Variants in AKAP12 observed in about 807,000 individuals in gnomAD.
The protein encoded by AKAP12 is A-kinase anchoring protein 12.
Under a neutral mutation model 79.9 loss-of-function variants are expected in AKAP12, and 32 were observed. The observed-to-expected ratio is 0.40, with a 90% CI of 0.30 to 0.54. The LOEUF is 0.54. Among genes scored for constraint, AKAP12 ranks in the 20% least tolerant of loss-of-function variants. The pLI is 0.48. For synonymous variants in AKAP12, 808 were observed against 857.0 expected (o/e 0.94, Z 1.00); for missense variants, 2,074 against 2,177.0 (o/e 0.95, Z 0.94).
chr6:151,274,720 C>T (rs1776257960), intron 2 of AKAP12, among the ~76,000 whole-genome samples: 1 of 152,154 alleles, frequency 6.6e-6, no homozygotes, highest in Non-Finnish European at 1.5e-5. Flanking sequence ...GGGGGCATCT[C>T]ACAATTTTAT....
intron 2 of AKAP12, among the ~76,000 whole-genome samples, chr6:151,255,264 C>G (rs1258601953): frequency 6.6e-6 from 1 of 151,866 alleles, no homozygotes; most frequent in Non-Finnish European, 1.5e-5. Flanking sequence ...CTCCCGGGTT[C>G]AAGCAGTTCT....
chr6:151,305,602 A>C (rs1482974778), intron 2 of AKAP12, 145 bp from the exon 3 acceptor site: 7 of 798,028 alleles, frequency 8.8e-6, no homozygotes, highest in Non-Finnish European at 1.1e-5. Context: ...TCAGACAAAT[A>C]TAAGACTTAA....
At chr6:151,284,567 G>A (rs1366671706) in intron 2 of AKAP12, among the ~76,000 whole-genome samples, 1 of 152,170 alleles carries the variant, frequency 6.6e-6, no homozygotes, top group Non-Finnish European at 1.5e-5. Flanking sequence ...GGTCAGAGCT[G>A]CAGTGAGCCA....
intron 3 of AKAP12, among the ~76,000 whole-genome samples, chr6:151,338,977 G>C (rs980673340): frequency 1.3e-5 from 2 of 152,130 alleles, no homozygotes; most frequent in African/African-American, 4.8e-5. Flanking sequence ...GCTTTATCCA[G>C]CTTTCACTTT....
At chr6:151,269,586 G>T (rs1177787290) in intron 2 of AKAP12, among the ~76,000 whole-genome samples, 1 of 152,162 alleles carries the variant, frequency 6.6e-6, no homozygotes, top group African/African-American at 2.4e-5. Context: ...AATAGGAAAT[G>T]AATACTCTGG....
In AKAP12 at chr6:151,240,656, C is replaced by T; in HGVS notation, c.94C>T (p.Pro32Ser). 7.6e-7 allele frequency: 1 copy of T among 1,320,118 alleles called. No individual in the cohort carries two copies. The highest frequency in any genetic ancestry group is 9.6e-7 in the Non-Finnish European group (1 of 1,038,732). 81.8% of individuals were successfully genotyped at this position (1,320,118 alleles called of 1,614,324 possible). A position where few individuals can be genotyped will look rare whatever the true frequency, so the allele number is the denominator to read the frequency against. ...TGAGCCCGAGCCCAGCGGCGGCGGC[C>T]CCTCGGCCGAGGCGGCGCCAGACAC... ...PAEPEPSGGG[P>S]SAEAAPDTTA... The change falls in exon 2 of 5, where the codon CCC (proline) becomes TCC (serine). Residue 32 changes from proline (P) to serine (S), a missense_variant. By Grantham distance (74) the Pro-to-Ser change is moderately conservative (BLOSUM62 -1). This residue lies in a region of AKAP12 where 1,428 missense variants were observed against 1,451.0 expected (regional missense o/e 0.98). Coordinates refer to ENST00000402676, the MANE Select transcript of AKAP12 (RefSeq NM_005100.4).
chr6:151,308,587 C>T (rs536602214), intron 3 of AKAP12, among the ~76,000 whole-genome samples: 1 of 152,232 alleles, frequency 6.6e-6, no homozygotes, highest in African/African-American at 2.4e-5. Context: ...GATGTGCCTC[C>T]ATACCATAGC....
At chr6:151,271,161 T>TA (rs1776172346) in intron 2 of AKAP12, among the ~76,000 whole-genome samples, 1 of 152,164 alleles carries the variant, frequency 6.6e-6, no homozygotes, top group Admixed American at 6.5e-5. Flanking sequence ...TTTGCCATCT[T>TA]TGCTTTCTTT....
Position 151,349,786 on chromosome 6 carries a change from G to C in AKAP12, c.1395G>C (p.Lys465Asn). The change falls in exon 4 of 5, where the codon AAG (lysine) becomes AAC (asparagine). Residue 465 changes from lysine (K) to asparagine (N), a missense_variant. Around this residue, in one of 3 missense-constraint regions of AKAP12, gnomAD observed 1,428 missense variants for 1,451.0 expected, o/e 0.98. Transcript: ENST00000402676. ...CTGAACCTGCCAAGGAGCTGGTGAA[G>C]CTCAAAGAAACGTGTGTTTCCGGAG... Reference protein sequence around the residue: ...QEAEPAKELVKLKETCVSGED... With the variant: ...QEAEPAKELVNLKETCVSGED... 1 of 1,614,100 alleles carries C rather than the reference G, an allele frequency of 6.2e-7. No homozygotes were observed. The highest frequency in any genetic ancestry group is 8.5e-7 in the Non-Finnish European group (1 of 1,179,994).
Position 151,321,082 on chromosome 6 carries a change from G to T in AKAP12, c.319+15179G>T, listed in dbSNP as rs544604064. Among the ~76,000 whole-genome samples the T allele has an allele frequency of 1.9e-4, 29 of 152,004 alleles. No individual in the cohort carries two copies. The South Asian group carries it at 3.7e-3, about 20-fold the overall frequency. On this transcript the variant is annotated intron_variant, in intron 3 of 4. Transcript: ENST00000402676. Reference sequence around the variant, plus strand: ...GCTCACTGCAACCTTCACCTCCTGGGTTCAAGTGATTCTCATGCCTCAGCC... The same window carrying T: ...GCTCACTGCAACCTTCACCTCCTGGTTTCAAGTGATTCTCATGCCTCAGCC...
chr6:151,311,658 A>G (rs1777106493), intron 3 of AKAP12, among the ~76,000 whole-genome samples: 1 of 152,236 alleles, frequency 6.6e-6, no homozygotes, highest in Admixed American at 6.5e-5. Context: ...ATAGTAACAA[A>G]TACAACACTT....
rs1778469605 is a variant in AKAP12, at chr6:151,357,396, G to C, written c.*1682G>C. 1 of 152,186 alleles carries C rather than the reference G, an allele frequency of 6.6e-6. No individual in the cohort carries two copies. The highest frequency in any genetic ancestry group is 2.4e-5 in the African/African-American group (1 of 41,436). The allele number at this position is 152,186 out of a possible 1,614,324, so 9.4% of individuals were successfully genotyped here. On this transcript the variant is annotated 3_prime_UTR_variant, in exon 5 of 5. Transcript: ENST00000402676. ...ACACACAGAACTGGCCTGGCATATAGCTTTCCAGATTTTACTCAAACTTGG... is the reference window on the plus strand; with the variant it reads ...ACACACAGAACTGGCCTGGCATATACCTTTCCAGATTTTACTCAAACTTGG...
Position 151,350,744 on chromosome 6 carries a change from G to T in AKAP12, c.2353G>T (p.Ala785Ser). Residue 785 changes from alanine to serine, a missense_variant, in exon 4 of 5, where the codon GCT becomes TCT. Physicochemically the swap from Ala to Ser is moderately conservative, Grantham distance 99. Transcript: ENST00000402676. This position sits in a 1 kb window ranked among gnomAD's most constrained non-coding sequence, Gnocchi z 4.8. ...GGAAGAGAAAAGCGAAGACTCCATA[G>T]CTGGGTCTGGTGTAGAACATTCCAC... ...KLEEKSEDSI[A>S]GSGVEHSTPD... 1 of 1,614,108 alleles carries T rather than the reference G, an allele frequency of 6.2e-7. No homozygotes were observed. The highest frequency in any genetic ancestry group is 8.5e-7 in the Non-Finnish European group (1 of 1,180,008).
chr6:151,281,921 C>T (rs2114725391), intron 2 of AKAP12, among the ~76,000 whole-genome samples: 1 of 152,106 alleles, frequency 6.6e-6, no homozygotes, highest in Non-Finnish European at 1.5e-5. Context: ...GCTTGTCAAA[C>T]ACCTGGCTTC....
chr6:151,324,446 C>G, intron 3 of AKAP12: 2 of 985,260 alleles, frequency 2.0e-6, no homozygotes, highest in Non-Finnish European at 2.4e-6. Flanking sequence ...CAACTACGTG[C>G]CATGCCAGCC....
chr6:151,348,470 C>A, intron 3 of AKAP12: 1 of 583,196 alleles, frequency 1.7e-6, no homozygotes. Context: ...GAGATCTCAT[C>A]TCTACAGAAA....
At position 151,299,989 on chromosome 6, in the gene AKAP12, G is replaced by A. The variant is rs371426526; in HGVS notation, c.163-5758G>A. Among the ~76,000 whole-genome samples the A allele has an allele frequency of 5.3e-5, 8 of 152,072 alleles. No individual in the cohort carries two copies. The East Asian group carries it at 1.2e-3, about 22-fold the overall frequency. Reference sequence around the variant, plus strand: ...ATGTAATGCCATATCTATTAGAATGGCATGGTGTAGCTAATGGGTTTGCGT... The same window carrying A: ...ATGTAATGCCATATCTATTAGAATGACATGGTGTAGCTAATGGGTTTGCGT... On this transcript the variant is annotated intron_variant, in intron 2 of 4. Transcript: ENST00000402676.
At chr6:151,261,733 T>TTTTTTTTATTTA (rs1054576119) in intron 2 of AKAP12, among the ~76,000 whole-genome samples, 3 of 143,954 alleles carry the variant, frequency 2.1e-5, no homozygotes, top group South Asian at 2.3e-4. Flanking sequence ...GTTTTTATTA[T>TTTTTTTTATTTA]TTTATTTATT....
intron 2 of AKAP12, among the ~76,000 whole-genome samples, chr6:151,247,116 T>C (rs1797091303): frequency 6.6e-6 from 1 of 151,846 alleles, no homozygotes; most frequent in Non-Finnish European, 1.5e-5. Flanking sequence ...AAGATTTTTT[T>C]TTCTAGCCAG....
Sources: gnomAD v4.1 joint callset for allele counts (sites outside exome capture counted in the v4.1 genomes callset) on GRCh38, gnomAD v4.1.1 for gene constraint, gnomAD v4.1.1 regional missense constraint, Gnocchi (gnomAD v3.1) non-coding constraint, MANE v1.5 for transcripts, NCBI Gene and HGNC (gene_info 2026-07-23, HGNC 2026-07-21) for gene names.